Variants in CEP44 observed in about 807,000 individuals in gnomAD.
CEP44 encodes centrosomal protein 44.
Under a neutral mutation model 46.7 loss-of-function variants are expected in CEP44, and 45 were observed. The ratio of observed to expected loss-of-function variants is 0.96; its 90% confidence interval spans 0.76 to 1.24. The LOEUF (loss-of-function observed/expected upper bound fraction) is 1.24. Ranked by LOEUF, CEP44 falls within the 50% of genes most tolerant of loss-of-function variation. CEP44 has a pLI of 0.00. For missense variants in CEP44, 475 were observed against 459.7 expected (o/e 1.03, Z -0.30); for synonymous variants, 142 against 146.0 (o/e 0.97, Z 0.20).
intron 1 of CEP44, among the ~76,000 whole-genome samples, chr4:174,284,470 C>A (rs1317700232): frequency 2.0e-5 from 3 of 152,162 alleles, no homozygotes; most frequent in Non-Finnish European, 4.4e-5. Context: ...GACAGCAGTT[C>A]GTGTTTTCCT....
At position 174,299,138 on chromosome 4, in the gene CEP44, TA is replaced by T. The variant is rs749798126; in HGVS notation, c.22del (p.Arg8GlufsTer6). ...TGTTAAGTAATGGCAACAGGTGACT[TA>T]AAAAGAAGCTTACGGAACCTAGAAC... The part of the protein sequence containing the change: MATGD[L>X]KRSLRNLEQV... On this transcript the variant is annotated frameshift_variant, in exon 3 of 12. Coordinates refer to ENST00000503780, the MANE Select transcript of CEP44 (RefSeq NM_001040157.3). LOFTEE classifies it high-confidence loss of function. The T allele has an allele frequency of 6.2e-7, 1 of 1,613,458 alleles. No individual in the cohort carries two copies. The highest frequency in any genetic ancestry group is 1.1e-5 in the South Asian group (1 of 91,020).
intron 6 of CEP44, among the ~76,000 whole-genome samples, chr4:174,307,482 A>C (rs1053201072): frequency 2.6e-5 from 4 of 152,218 alleles, no homozygotes; most frequent in Non-Finnish European, 5.9e-5. Context: ...TAGAGACTTA[A>C]ATGTAAAACC....
downstream of CEP44, among the ~76,000 whole-genome samples, chr4:174,320,704 A>ATGTGTG (rs796604982): frequency 3.0e-3 from 371 of 125,238 alleles, 3 homozygotes; most frequent in Middle Eastern, 7.9e-3. Flanking sequence ...GTGTGTGTGT[A>ATGTGTG]TGTGTGTGTG....
At chr4:174,303,927 C>T in intron 5 of CEP44, 78 bp downstream of exon 5, 1 of 916,198 alleles carries the variant, frequency 1.1e-6, no homozygotes, top group African/African-American at 1.7e-5. Flanking sequence ...AAAATCAAAA[C>T]CCTAGACAGC....
intron 11 of CEP44, among the ~76,000 whole-genome samples, chr4:174,316,890 T>C (rs984464568): frequency 6.6e-6 from 1 of 152,164 alleles, no homozygotes; most frequent in Admixed American, 6.6e-5. Context: ...TATCAAAATA[T>C]TAAATAATAT....
In CEP44 at chr4:174,312,374, T is replaced by A. The variant is rs145010788; in HGVS notation, c.961+1516T>A. ...ATAGCTCACTGCAGTCTCCTAGATG[T>A]TAACTCCTTGGCTTAAAGTGATCCT... On this transcript the variant is annotated intron_variant, in intron 9 of 11. Coordinates refer to ENST00000503780, the MANE Select transcript of CEP44 (RefSeq NM_001040157.3). The surrounding 1 kb of genome is among the most constrained non-coding windows in gnomAD (Gnocchi z 4.5). Among the ~76,000 whole-genome samples the A allele has an allele frequency of 1.9e-3, 296 of 152,192 alleles. 1 individual carries two copies. Among genetic ancestry groups the A allele is most frequent in the African/African-American group, 6.7e-3 (280 of 41,542 alleles).
Position 174,310,802 on chromosome 4 carries a change from T to G in CEP44, c.905T>G (p.Phe302Cys). Reference protein sequence around the residue: ...LSKKNDEFIEFNEVSEDYASC... With the variant: ...LSKKNDEFIECNEVSEDYASC... ...TTCCAGAATGATGAATTTATAGAGTTTAATGAAGTTAGTGAAGACTACGCT... is the reference window on the plus strand; with the variant it reads ...TTCCAGAATGATGAATTTATAGAGTGTAATGAAGTTAGTGAAGACTACGCT... The change falls in exon 9 of 12, where the codon TTT (phenylalanine) becomes TGT (cysteine). Residue 302 changes from phenylalanine (F) to cysteine (C), a missense_variant. By Grantham distance (205) the Phe-to-Cys change is radical. Transcript: ENST00000503780. This position sits in a 1 kb window ranked among gnomAD's most constrained non-coding sequence, Gnocchi z 4.2. The G allele has an allele frequency of 1.3e-6, 2 of 1,492,828 alleles. No homozygotes were observed. Among genetic ancestry groups the G allele is most frequent in the Non-Finnish European group, 1.8e-6 (2 of 1,084,800 alleles). The allele number at this position is 1,492,828 out of a possible 1,614,324, so 92.5% of individuals were successfully genotyped here.
chr4:174,316,509 T>C, intron 10 of CEP44, 21 bp from the exon 11 acceptor site: 1 of 1,568,274 alleles, frequency 6.4e-7, no homozygotes, highest in Non-Finnish European at 8.7e-7. Flanking sequence ...TCATCTAAAT[T>C]TGTTGCTTTT....
In CEP44 at chr4:174,288,647, G is replaced by A. The variant is rs1346259420; in HGVS notation, c.-148+4704G>A. Among the ~76,000 whole-genome samples the A allele has an allele frequency of 1.3e-5, 2 of 152,010 alleles. No individual in the cohort carries two copies. Among genetic ancestry groups the A allele is most frequent in the African/African-American group, 4.8e-5 (2 of 41,392 alleles). ...CAAATTTGTTTATTCTCACATTTTT[G>A]TTGGGGTCCCTAAGGTTTTCTACAT... On this transcript the variant is annotated intron_variant, in intron 1 of 11. Transcript: ENST00000503780. The surrounding 1 kb of genome is among the most constrained non-coding windows in gnomAD (Gnocchi z 4.6).
At chr4:174,313,862 A>G (rs981067646) in intron 9 of CEP44, among the ~76,000 whole-genome samples, 8 of 152,182 alleles carry the variant, frequency 5.3e-5, no homozygotes, top group African/African-American at 1.9e-4. Flanking sequence ...TAATAAAATA[A>G]AAAATTCAGG....
chr4:174,284,320 C>T (rs1461489401), intron 1 of CEP44: 11 of 349,948 alleles, frequency 3.1e-5, no homozygotes, highest in Non-Finnish European at 3.1e-5. Context: ...CTTTTAGTCA[C>T]AACGAAGTGG....
rs188720793 is a variant in CEP44 at position 174,314,614 on chromosome 4, C to G, written c.962-1552C>G. Among the ~76,000 whole-genome samples, 108 of 152,270 alleles carry G rather than the reference C, an allele frequency of 7.1e-4. 1 individual carries two copies. Among genetic ancestry groups the G allele is most frequent in the African/African-American group, 2.4e-3 (100 of 41,530 alleles). On this transcript the variant is annotated intron_variant, in intron 9 of 11. Coordinates refer to ENST00000503780, the MANE Select transcript of CEP44 (RefSeq NM_001040157.3). The surrounding 1 kb of genome is among the most constrained non-coding windows in gnomAD (Gnocchi z 4.1). ...CATTCCTTCACCCTTTATCTGTCTTCCCGGACCTGTTTCCTTTTCCTAGGG... is the reference window on the plus strand; with the variant it reads ...CATTCCTTCACCCTTTATCTGTCTTGCCGGACCTGTTTCCTTTTCCTAGGG...
Position 174,310,034 on chromosome 4 carries a change from CAG to C in CEP44, c.865_866del (p.Glu289AsnfsTer5). The C allele has an allele frequency of 6.2e-7, 1 of 1,611,450 alleles. No individual in the cohort carries two copies. The highest frequency in any genetic ancestry group is 8.5e-7 in the Non-Finnish European group (1 of 1,178,598). On this transcript the variant is annotated frameshift_variant, in exon 8 of 12. Transcript: ENST00000503780. LOFTEE classifies it high-confidence loss of function. This position sits in a 1 kb window ranked among gnomAD's most constrained non-coding sequence, Gnocchi z 4.2. Reference sequence around the variant, plus strand: ...CTTAGTCGTGTCACTCTTCTTGAAACAGAAATGCTTTTGTCTAAAAAGGTATT... The same window carrying C: ...CTTAGTCGTGTCACTCTTCTTGAAACAAATGCTTTTGTCTAAAAAGGTATT...
At chr4:174,324,304 T>C (rs894130840), downstream of CEP44, among the ~76,000 whole-genome samples, 1 of 152,144 alleles carries the variant, frequency 6.6e-6, no homozygotes, top group African/African-American at 2.4e-5. Flanking sequence ...TGATGGACAT[T>C]GTGATATGTC....
chr4:174,311,671 C>A lies in CEP44; in HGVS notation c.961+813C>A, dbSNP rs1336260254. On this transcript the variant is annotated intron_variant, in intron 9 of 11. Coordinates refer to ENST00000503780, the MANE Select transcript of CEP44 (RefSeq NM_001040157.3). The surrounding 1 kb of genome is among the most constrained non-coding windows in gnomAD (Gnocchi z 4.4). Reference sequence around the variant, plus strand: ...TTAACTCATTTAATTCTTGAAGTAACCATTGCAAGATAAGTACTATTTTTA... The same window carrying A: ...TTAACTCATTTAATTCTTGAAGTAAACATTGCAAGATAAGTACTATTTTTA... Among the ~76,000 whole-genome samples the A allele has an allele frequency of 6.6e-6, 1 of 152,096 alleles. No homozygotes were observed. The highest frequency in any genetic ancestry group is 2.4e-5 in the African/African-American group (1 of 41,422).
chr4:174,308,844 C>G lies in CEP44; in HGVS notation c.663C>G (p.Ile221Met), dbSNP rs1740752054. ...TGCCTGAAGTAAAGGTTCCTGAAATCAAGGCTGAGCAACAGGTAACAACTT... is the reference window on the plus strand; with the variant it reads ...TGCCTGAAGTAAAGGTTCCTGAAATGAAGGCTGAGCAACAGGTAACAACTT... ...IKMPEVKVPE[I>M]KAEQQDVNVN... Residue 221 changes from isoleucine to methionine, a missense_variant, in exon 7 of 12, where the codon ATC (isoleucine) becomes ATG (methionine). Physicochemically the swap from Ile to Met is conservative, Grantham distance 10. Transcript: ENST00000503780. The G allele has an allele frequency of 6.2e-7, 1 of 1,612,792 alleles. No homozygotes were observed.
rs976861834 is a variant in CEP44, at chr4:174,318,085, T to A, written c.*702T>A. On this transcript the variant is annotated 3_prime_UTR_variant, in exon 12 of 12. Coordinates refer to ENST00000503780, the MANE Select transcript of CEP44 (RefSeq NM_001040157.3). ...TGTATAATTTTTTTGGAGGGGGGGA[T>A]GGAGTTTCGCTGTTGTTGCCCAGGC... 4 of 983,234 alleles carry A rather than the reference T, an allele frequency of 4.1e-6. No homozygotes were observed. Among genetic ancestry groups the A allele is most frequent in the East Asian group, 1.1e-4 (1 of 8,796 alleles). 60.9% of individuals were successfully genotyped at this position (983,234 alleles called of 1,614,324 possible). A position where few individuals can be genotyped will look rare whatever the true frequency, so the allele number is the denominator to read the frequency against.
Position 174,320,060 on chromosome 4 carries a change from A to C in CEP44, c.*2677A>C. On this transcript the variant is annotated 3_prime_UTR_variant, in exon 12 of 12. Transcript: ENST00000503780. ...TTGAAAAAACACTGTACTACCAACA[A>C]AGGTGTCAGTTGCTTGTGCTGCCCT... 1 of 985,202 alleles carries C rather than the reference A, an allele frequency of 1.0e-6. No individual in the cohort carries two copies. Among genetic ancestry groups the C allele is most frequent in the Non-Finnish European group, 1.2e-6 (1 of 829,818 alleles). 61.0% of individuals were successfully genotyped at this position (985,202 alleles called of 1,614,324 possible).
chr4:174,291,137 TTAAAG>T (rs1380712885), intron 1 of CEP44, among the ~76,000 whole-genome samples: 2 of 152,246 alleles, frequency 1.3e-5, no homozygotes, highest in African/African-American at 2.4e-5. Context: ...TATTAAAAAT[TTAAAG>T]TAATAATTTT....
Sources: allele counts gnomAD v4.1 joint callset (sites outside exome capture counted in the v4.1 genomes callset), GRCh38; gene constraint gnomAD v4.1.1; non-coding constraint Gnocchi (gnomAD v3.1); transcripts MANE v1.5; gene names NCBI Gene and HGNC (gene_info 2026-07-23, HGNC 2026-07-21).